DNAH14: variants seen among roughly 807,000 people sequenced by gnomAD.
DNAH14 encodes the protein dynein axonemal heavy chain 14, also known as axonemal beta dynein heavy chain 14.
In DNAH14, 478 loss-of-function variants were observed where a neutral mutation model predicts 520.9. The ratio of observed to expected loss-of-function variants is 0.92; its 90% CI spans 0.85 to 0.99. The LOEUF (loss-of-function observed/expected upper bound fraction) is 0.99. DNAH14 is among the 50% of genes least tolerant of loss of function. The probability of loss-of-function intolerance (pLI) is 0.00; values close to 1 mark genes in which losing one functional copy is unlikely to be tolerated. For synonymous variants in DNAH14, 1,581 were observed against 1,757.2 expected (o/e 0.90, Z 2.51); for missense variants, 4,831 against 5,234.5 (o/e 0.92, Z 2.38).
At chr1:225,055,686 C>A (rs529547354) in intron 17 of DNAH14, among the ~76,000 whole-genome samples, 2 of 136,998 alleles carry the variant, frequency 1.5e-5, no homozygotes, top group Non-Finnish European at 3.1e-5. Context: ...TCCCTCCCCC[C>A]TCCCCCACCA....
At chr1:225,016,842 G>A (rs754734387) in intron 10 of DNAH14, among the ~76,000 whole-genome samples, 4 of 150,634 alleles carry the variant, frequency 2.7e-5, no homozygotes, top group Non-Finnish European at 5.9e-5. Context: ...GGTCTCAGTT[G>A]CATTTTTAAA....
chr1:225,319,199 G>A (rs912269705), intron 61 of DNAH14, among the ~76,000 whole-genome samples: 5 of 152,170 alleles, frequency 3.3e-5, no homozygotes, highest in African/African-American at 1.2e-4. Flanking sequence ...TCCCCTTGCT[G>A]TGCCCTGTCC....
At chr1:225,339,775 C>T (rs1455750650) in intron 68 of DNAH14, among the ~76,000 whole-genome samples, 3 of 152,146 alleles carry the variant, frequency 2.0e-5, no homozygotes, top group African/African-American at 7.2e-5. Context: ...CAATTTCACC[C>T]TTCATAAAGT....
At chr1:225,336,657 C>A (rs955755069) in intron 66 of DNAH14, among the ~76,000 whole-genome samples, 1 of 152,170 alleles carries the variant, frequency 6.6e-6, no homozygotes, top group East Asian at 1.9e-4. Context: ...CTGCAGCTGA[C>A]ACGTTATATG....
chr1:225,186,920 A>T (rs2084834225), intron 37 of DNAH14, among the ~76,000 whole-genome samples: 1 of 151,842 alleles, frequency 6.6e-6, no homozygotes, highest in East Asian at 1.9e-4. Flanking sequence ...AGGTGATGGA[A>T]TTATTTTGGT....
chr1:225,225,466 A>G (rs1207361247), intron 41 of DNAH14, among the ~76,000 whole-genome samples: 1 of 152,172 alleles, frequency 6.6e-6, no homozygotes, highest in African/African-American at 2.4e-5. Flanking sequence ...AATTTCAACA[A>G]TTCTGTCCCA....
chr1:225,365,813 G>A (rs1263744834), intron 76 of DNAH14, among the ~76,000 whole-genome samples: 1 of 152,148 alleles, frequency 6.6e-6, no homozygotes. Context: ...AATGAAGGGT[G>A]TCAGAGAGGG....
At chr1:225,061,607 T>G (rs1235767455) in intron 17 of DNAH14, among the ~76,000 whole-genome samples, 6 of 152,190 alleles carry the variant, frequency 3.9e-5, no homozygotes, top group African/African-American at 1.2e-4. Flanking sequence ...GCGTCGCTCA[T>G]GCTGGGAGCT....
At chr1:225,250,616 G>A (rs768127848) in intron 43 of DNAH14, 5 of 485,596 alleles carry the variant, frequency 1.0e-5, no homozygotes, top group Non-Finnish European at 1.1e-5. Context: ...ATACTCACAG[G>A]TTCCTGAAGA....
intron 55 of DNAH14, among the ~76,000 whole-genome samples, chr1:225,291,599 G>A (rs996000530): frequency 1.3e-5 from 2 of 151,842 alleles, no homozygotes; most frequent in Non-Finnish European, 2.9e-5. Flanking sequence ...TTGTAGAGGC[G>A]GGGTCTCACT....
At chr1:225,097,872 T>C (rs922959280) in intron 22 of DNAH14, among the ~76,000 whole-genome samples, 1 of 152,192 alleles carries the variant, frequency 6.6e-6, no homozygotes, top group Non-Finnish European at 1.5e-5. Flanking sequence ...ATGTGAATAA[T>C]AAACATGTTT....
chr1:224,996,994 C>T (rs532851167), intron 8 of DNAH14, among the ~76,000 whole-genome samples: 1 of 152,170 alleles, frequency 6.6e-6, no homozygotes, highest in South Asian at 2.1e-4. Flanking sequence ...GGACTGGAGG[C>T]TGAGCCATCT....
chr1:225,020,268 A>G (rs900481732), intron 10 of DNAH14, among the ~76,000 whole-genome samples: 5 of 151,960 alleles, frequency 3.3e-5, no homozygotes, highest in Non-Finnish European at 5.9e-5. Flanking sequence ...AGGCCAAGGA[A>G]GGCAGATCAC....
At chr1:225,140,491 C>A (rs930723557) in intron 27 of DNAH14, among the ~76,000 whole-genome samples, 3 of 152,076 alleles carry the variant, frequency 2.0e-5, no homozygotes, top group Non-Finnish European at 4.4e-5. Flanking sequence ...TTTTTACTGT[C>A]CCCAGGTTAT....
chr1:225,225,371 A>G (rs550890631), intron 41 of DNAH14, among the ~76,000 whole-genome samples: 13 of 152,308 alleles, frequency 8.5e-5, no homozygotes, highest in African/African-American at 2.9e-4. Context: ...CCAATATGTT[A>G]TTAAACATCT....
chr1:225,122,410 C>T (rs903230477), intron 26 of DNAH14, among the ~76,000 whole-genome samples: 2 of 152,260 alleles, frequency 1.3e-5, no homozygotes, highest in African/African-American at 2.4e-5. Context: ...CCCATTTCTC[C>T]TGGAGGTCAC....
intron 1 of DNAH14, among the ~76,000 whole-genome samples, chr1:224,931,525 A>G (rs2058698911): frequency 1.3e-5 from 2 of 152,128 alleles, no homozygotes; most frequent in African/African-American, 4.8e-5. Context: ...TTTATTCCTT[A>G]TATCTTACTG....
chr1:224,987,558 G>A (rs2062728246), intron 8 of DNAH14, among the ~76,000 whole-genome samples: 1 of 152,146 alleles, frequency 6.6e-6, no homozygotes, highest in Admixed American at 6.5e-5. Flanking sequence ...TCGTTCCATG[G>A]AAGAAGGTAG....
intron 45 of DNAH14, 144 bp from the exon 46 acceptor site, chr1:225,258,977 A>T (rs751128897): frequency 1.1e-4 from 90 of 825,138 alleles, no homozygotes; most frequent in South Asian, 4.3e-4. Context: ...ACCACTCTTA[A>T]CCACATTTTT....
Sources: gnomAD v4.1 joint callset for allele counts (sites outside exome capture counted in the v4.1 genomes callset) on GRCh38, gnomAD v4.1.1 for gene constraint, MANE v1.5 for transcripts, NCBI Gene and HGNC (gene_info 2026-07-23, HGNC 2026-07-21) for gene names.